The following CTNND2 variants were observed in gnomAD, a reference collection of about 807,000 sequenced individuals.
CTNND2 encodes the protein catenin delta 2, also known as catenin delta-2.
In CTNND2, 22 loss-of-function variants were observed where a neutral mutation model predicts 144.4. The observed-to-expected ratio is 0.15, with a 90% CI of 0.11 to 0.22. The LOEUF (loss-of-function observed/expected upper bound fraction) is 0.22, where lower values mean the gene tolerates loss of function less well. Ranked by LOEUF, CTNND2 falls within the 10% of genes least tolerant of loss-of-function variation. CTNND2 has a pLI of 1.00. For synonymous variants in CTNND2, 751 were observed against 695.6 expected (o/e 1.08, Z -1.25); for missense variants, 1,353 against 1,618.8 (o/e 0.84, Z 2.82).
rs552081798 is a variant in CTNND2 at position 11,447,654 on chromosome 5, A to G, written c.288-35585T>C. 3.9e-5 allele frequency among the ~76,000 whole-genome samples: 6 copies of G among 152,290 alleles called. No homozygotes were observed. In the South Asian group the frequency reaches 6.2e-4, roughly 16 times the overall value. The stretch of plus-strand genomic sequence containing the variant: ...TTAAGAGAGTTGGGAGACTCAGAGC[A>G]TAAGGGAGAATCTGGATGGCCTGTC... On this transcript the variant is annotated intron_variant, in intron 3 of 21. Coordinates refer to ENST00000304623, the MANE Select transcript of CTNND2 (RefSeq NM_001332.4).
intron 2 of CTNND2, among the ~76,000 whole-genome samples, chr5:11,573,422 GTC>G: frequency 6.6e-6 from 1 of 151,886 alleles, no homozygotes; most frequent in East Asian, 1.9e-4. Flanking sequence ...CTACAGCCAC[GTC>G]TCTTGGCAAT....
chr5:11,415,828 G>A (rs1761892968), intron 3 of CTNND2, among the ~76,000 whole-genome samples: 1 of 152,174 alleles, frequency 6.6e-6, no homozygotes, highest in African/African-American at 2.4e-5. Context: ...GAGAGGAAGT[G>A]ACAAGTGCCA....
intron 3 of CTNND2, among the ~76,000 whole-genome samples, chr5:11,418,915 T>C (rs1416170696): frequency 6.6e-6 from 1 of 151,836 alleles, no homozygotes; most frequent in Non-Finnish European, 1.5e-5. Flanking sequence ...TATTGCAGGA[T>C]CCCAATTATG....
At chr5:11,469,547 TACAA>T (rs1412414323) in intron 3 of CTNND2, among the ~76,000 whole-genome samples, 5 of 152,148 alleles carry the variant, frequency 3.3e-5, no homozygotes, top group Non-Finnish European at 7.3e-5. Context: ...CACTGCTTGT[TACAA>T]ACAGATGATG....
chr5:11,733,253 G>A (rs1787494694), intron 1 of CTNND2, among the ~76,000 whole-genome samples: 2 of 152,144 alleles, frequency 1.3e-5, no homozygotes, highest in Admixed American at 1.3e-4. Context: ...CTGGGGGGAT[G>A]AGACAGTTTT....
At chr5:11,007,025 GA>G (rs1740556996) in intron 18 of CTNND2, among the ~76,000 whole-genome samples, 2 of 152,238 alleles carry the variant, frequency 1.3e-5, no homozygotes, top group South Asian at 4.1e-4. Flanking sequence ...AAACAATCAA[GA>G]AAAAATTGCT....
intron 9 of CTNND2, among the ~76,000 whole-genome samples, chr5:11,240,548 CAACACACACACTCAA>C (rs1451500495): frequency 7.4e-5 from 4 of 54,308 alleles, no homozygotes; most frequent in Non-Finnish European, 9.1e-5. Flanking sequence ...CACACACACC[CAACACACACACTCAA>C]AACACACACC....
intron 18 of CTNND2, among the ~76,000 whole-genome samples, chr5:11,004,786 A>G (rs1429369151): frequency 1.3e-5 from 2 of 151,970 alleles, no homozygotes; most frequent in African/African-American, 4.8e-5. Flanking sequence ...AAAAAAAAAA[A>G]AAAAGAAAAA....
At chr5:11,664,530 G>A (rs1221014817) in intron 2 of CTNND2, among the ~76,000 whole-genome samples, 1 of 152,192 alleles carries the variant, frequency 6.6e-6, no homozygotes, top group Non-Finnish European at 1.5e-5. Flanking sequence ...GCAGTGAGCT[G>A]AGGAAGTGCC....
chr5:11,112,265 G>A (rs1369755068), intron 13 of CTNND2, among the ~76,000 whole-genome samples: 6 of 152,138 alleles, frequency 3.9e-5, no homozygotes, highest in African/African-American at 9.7e-5. Context: ...TGGATTGTTC[G>A]GGTGGGCCTG....
At chr5:11,098,419 TA>T (rs1375628271) in intron 15 of CTNND2, among the ~76,000 whole-genome samples, 155 bp downstream of exon 15, 1 of 152,240 alleles carries the variant, frequency 6.6e-6, no homozygotes, top group Non-Finnish European at 1.5e-5. Context: ...TTAAAAGGAA[TA>T]CATTTCCAAG....
intron 1 of CTNND2, among the ~76,000 whole-genome samples, chr5:11,820,346 C>T (rs1793244059): frequency 6.6e-6 from 1 of 152,168 alleles, no homozygotes; most frequent in African/African-American, 2.4e-5. Context: ...GGGACTATAA[C>T]CCTTAAGGCT....
At chr5:11,064,302 C>T (rs1453133202) in intron 16 of CTNND2, among the ~76,000 whole-genome samples, 1 of 152,062 alleles carries the variant, frequency 6.6e-6, no homozygotes, top group Admixed American at 6.6e-5. Flanking sequence ...ATCTCACACG[C>T]CTTGGAATTT....
intron 1 of CTNND2, among the ~76,000 whole-genome samples, chr5:11,844,970 C>T (rs935806061): frequency 1.3e-5 from 2 of 152,078 alleles, no homozygotes; most frequent in Non-Finnish European, 2.9e-5. Flanking sequence ...AGGGAGCCAT[C>T]ATTTTCATGA....
chr5:11,833,733 A>G (rs1902974), intron 1 of CTNND2, among the ~76,000 whole-genome samples: 9,383 of 152,132 alleles, frequency 0.062, 803 homozygotes, highest in African/African-American at 0.2. Context: ...CAGGTTGGCC[A>G]GGCTGGTCTT....
intron 2 of CTNND2, among the ~76,000 whole-genome samples, chr5:11,671,412 C>G (rs1783867171): frequency 6.6e-6 from 1 of 152,094 alleles, no homozygotes; most frequent in Admixed American, 6.5e-5. Context: ...TTCAGGTACA[C>G]CAATCAAATG....
At chr5:11,749,653 T>A (rs1368922841) in intron 1 of CTNND2, among the ~76,000 whole-genome samples, 1 of 152,044 alleles carries the variant, frequency 6.6e-6, no homozygotes, top group African/African-American at 2.4e-5. Flanking sequence ...TCTAAAGATG[T>A]TCAAGGATTT....
At chr5:11,174,845 CA>C (rs1454883754) in intron 11 of CTNND2, among the ~76,000 whole-genome samples, 2 of 152,170 alleles carry the variant, frequency 1.3e-5, no homozygotes, top group African/African-American at 2.4e-5. Flanking sequence ...ATAGGATTTT[CA>C]GAAAACAATT....
chr5:11,423,372 CCATAACTGAT>C (rs960581809), intron 3 of CTNND2, among the ~76,000 whole-genome samples: 18 of 152,176 alleles, frequency 1.2e-4, no homozygotes, highest in Non-Finnish European at 7.3e-5. Context: ...GGTGGATTAT[CCATAACTGAT>C]ATTTCTGCAG....
Sources: allele counts gnomAD v4.1 joint callset (sites outside exome capture counted in the v4.1 genomes callset), GRCh38; gene constraint gnomAD v4.1.1; transcripts MANE v1.5; gene names NCBI Gene and HGNC (gene_info 2026-07-23, HGNC 2026-07-21).